Variants in PCDH9 observed in about 807,000 individuals in gnomAD.
PCDH9 encodes the protein protocadherin 9.
PCDH9 carries 24 observed loss-of-function variants against 70.6 expected under a neutral mutation model. The ratio of observed to expected loss-of-function variants is 0.34; its 90% confidence interval spans 0.25 to 0.48. The LOEUF (loss-of-function observed/expected upper bound fraction) is 0.48, where lower values mean the gene tolerates loss of function less well. Among genes scored for constraint, PCDH9 ranks in the 20% least tolerant of loss-of-function variants. PCDH9 has a pLI of 0.99. For missense variants in PCDH9, 1,281 were observed against 1,503.6 expected, an observed-to-expected ratio of 0.85 and a Z score of 2.45; for synonymous variants, 562 against 558.5, an observed-to-expected ratio of 1.01 and a Z score of -0.09.
At chr13:66,924,642 A>C (rs1213179938) in intron 2 of PCDH9, among the ~76,000 whole-genome samples, 6 of 151,890 alleles carry the variant, frequency 4.0e-5, no homozygotes, top group Non-Finnish European at 7.4e-5. Flanking sequence ...AGTCTTATAC[A>C]TATTTTGAAG....
intron 4 of PCDH9, among the ~76,000 whole-genome samples, chr13:66,515,864 A>T (rs1050919247): frequency 2.0e-5 from 3 of 152,056 alleles, no homozygotes; most frequent in Non-Finnish European, 4.4e-5. Flanking sequence ...AATTTTAAGT[A>T]TGTGAGCTAC....
chr13:66,653,742 C>T (rs1026911066), intron 3 of PCDH9, among the ~76,000 whole-genome samples: 2 of 151,870 alleles, frequency 1.3e-5, no homozygotes, highest in Non-Finnish European at 2.9e-5. Context: ...CCGAGGTTGG[C>T]GGATCATGAG....
chr13:66,397,492 G>A lies in PCDH9; in HGVS notation c.3341-92464C>T, dbSNP rs113877423. On this transcript the variant is annotated intron_variant, in intron 4 of 4. Transcript: ENST00000377865. ...TGTGTGTGTGTGTATATATATATAT[G>A]TATACACACACAAAATGTATGTCGA... Among the ~76,000 whole-genome samples the A allele has an allele frequency of 6.4e-5, 8 of 125,486 alleles. No homozygotes were observed. In the Admixed American group the frequency reaches 6.5e-4, roughly 10 times the overall value. The allele number at this position is 125,486 out of a possible 152,430, so 82.3% of individuals were successfully genotyped here. A position where few individuals can be genotyped will look rare whatever the true frequency, so the allele number is the denominator to read the frequency against.
Position 66,712,187 on chromosome 13 carries a change from A to G in PCDH9, c.3139-80776T>C, listed in dbSNP as rs1343779940. ...GTCACAATAGTCCCTTGCATATTTT[A>G]GGATTTCTAAAAATATTTCCTTTTA... On this transcript the variant is annotated intron_variant, in intron 3 of 4. Coordinates refer to ENST00000377865, the MANE Select transcript of PCDH9 (RefSeq NM_203487.3). Among the ~76,000 whole-genome samples, 3 of 152,332 alleles carry G rather than the reference A, an allele frequency of 2.0e-5. No homozygotes were observed. The East Asian group carries it at 5.8e-4, about 29-fold the overall frequency.
At chr13:66,432,499 A>G (rs961913975) in intron 4 of PCDH9, among the ~76,000 whole-genome samples, 1 of 152,016 alleles carries the variant, frequency 6.6e-6, no homozygotes, top group African/African-American at 2.4e-5. Flanking sequence ...TTTTTGTAAC[A>G]ATATGTAATA....
At chr13:66,549,364 T>C (rs993079557) in intron 4 of PCDH9, among the ~76,000 whole-genome samples, 1 of 152,106 alleles carries the variant, frequency 6.6e-6, no homozygotes, top group African/African-American at 2.4e-5. Flanking sequence ...TGATTTTTTT[T>C]TGAAGTGAAA....
rs559680873 is a variant in PCDH9, at chr13:66,312,942, C to T, written c.3341-7914G>A. On this transcript the variant is annotated intron_variant, in intron 4 of 4. Coordinates refer to ENST00000377865, the MANE Select transcript of PCDH9 (RefSeq NM_203487.3). ...CCAAATACAATAACACATGGCCACG[C>T]CAAGCAGGGAATTCACTGCCAGAGA... Among the ~76,000 whole-genome samples the T allele has an allele frequency of 2.2e-4, 33 of 152,252 alleles. No homozygotes were observed. In the South Asian group the frequency reaches 3.1e-3, roughly 14 times the overall value.
At chr13:66,666,778 TA>T (rs2078103349) in intron 3 of PCDH9, among the ~76,000 whole-genome samples, 1 of 152,196 alleles carries the variant, frequency 6.6e-6, no homozygotes, top group African/African-American at 2.4e-5. Flanking sequence ...TACTTCCTTA[TA>T]ATGACTTTTA....
At chr13:67,161,880 G>C (rs2087972474) in intron 2 of PCDH9, among the ~76,000 whole-genome samples, 1 of 152,164 alleles carries the variant, frequency 6.6e-6, no homozygotes, top group Non-Finnish European at 1.5e-5. Flanking sequence ...ACTCCTCCAA[G>C]GAATATAGAG....
chr13:66,403,186 C>T (rs368622952), intron 4 of PCDH9, among the ~76,000 whole-genome samples: 1 of 151,894 alleles, frequency 6.6e-6, no homozygotes, highest in Admixed American at 6.6e-5. Context: ...GTCACCCAGG[C>T]TGGAGTGCAG....
intron 2 of PCDH9, among the ~76,000 whole-genome samples, chr13:66,933,197 C>T (rs2082845024): frequency 6.6e-6 from 1 of 151,888 alleles, no homozygotes; most frequent in Non-Finnish European, 1.5e-5. Context: ...GAGTCTTTGT[C>T]AGAAAGCAAA....
chr13:66,423,178 C>A (rs187418879), intron 4 of PCDH9, among the ~76,000 whole-genome samples: 7 of 152,018 alleles, frequency 4.6e-5, no homozygotes, highest in Admixed American at 3.9e-4. Context: ...AGCCTACCAA[C>A]CAAAAAAAGC....
chr13:66,934,927 A>G (rs1375167174), intron 2 of PCDH9, among the ~76,000 whole-genome samples: 1 of 150,146 alleles, frequency 6.7e-6, no homozygotes, highest in African/African-American at 2.4e-5. Flanking sequence ...TCACCGTGTT[A>G]GCCAGGATGG....
In PCDH9 at chr13:66,335,095, A is replaced by C. The variant is rs189327584; in HGVS notation, c.3341-30067T>G. On this transcript the variant is annotated intron_variant, in intron 4 of 4. Coordinates refer to ENST00000377865, the MANE Select transcript of PCDH9 (RefSeq NM_203487.3). ...TTCAAACCCTTGGTGTTTTCATCACATCACAGTAGCCTAAGTCAAAAGCAT... is the reference window on the plus strand; with the variant it reads ...TTCAAACCCTTGGTGTTTTCATCACCTCACAGTAGCCTAAGTCAAAAGCAT... 2.2e-4 allele frequency among the ~76,000 whole-genome samples: 33 copies of C among 152,238 alleles called. No homozygotes were observed. The East Asian group carries it at 6.0e-3, about 28-fold the overall frequency.
intron 3 of PCDH9, among the ~76,000 whole-genome samples, chr13:66,716,730 T>A (rs369331943): frequency 9.2e-4 from 140 of 152,326 alleles, no homozygotes; most frequent in African/African-American, 3.1e-3. Context: ...TTTTTTCTTA[T>A]TGACATGTTC....
chr13:66,906,056 T>A (rs2082354865), intron 2 of PCDH9, among the ~76,000 whole-genome samples: 1 of 152,178 alleles, frequency 6.6e-6, no homozygotes, highest in African/African-American at 2.4e-5. Flanking sequence ...ATATGGCATT[T>A]AATATCTGTA....
At chr13:66,390,430 G>A (rs1041243858) in intron 4 of PCDH9, among the ~76,000 whole-genome samples, 1 of 152,086 alleles carries the variant, frequency 6.6e-6, no homozygotes, top group African/African-American at 2.4e-5. Flanking sequence ...AGGACAGCTA[G>A]AGGTTTTGTA....
At chr13:66,683,713 G>T (rs377296863) in intron 3 of PCDH9, among the ~76,000 whole-genome samples, 1 of 152,108 alleles carries the variant, frequency 6.6e-6, no homozygotes, top group East Asian at 1.9e-4. Context: ...TAGATCACAG[G>T]TTTTAAAATT....
rs138487255 is a variant in PCDH9, at chr13:67,226,544, A to G, written c.1897T>C (p.Phe633Leu). 1.7e-4 allele frequency: 276 copies of G among 1,614,038 alleles called. No individual in the cohort carries two copies. Among genetic ancestry groups the G allele is most frequent in the Non-Finnish European group, 2.2e-4 (259 of 1,179,908 alleles). Residue 633 changes from phenylalanine to leucine, a missense_variant, in exon 2 of 5, where the codon TTT (phenylalanine) becomes CTT (leucine). Transcript: ENST00000377865. The surrounding 1 kb of genome is among the most constrained non-coding windows in gnomAD (Gnocchi z 5.0). ...YSGVIKSNVS[F>L]DREQQSSYTF... ...TAGGAACTCTGCTGCTCTCTATCAA[A>G]TGAGACATTTGACTTTATGACTCCA...
Sources: gnomAD v4.1 joint callset for allele counts (sites outside exome capture counted in the v4.1 genomes callset) on GRCh38, gnomAD v4.1.1 for gene constraint, Gnocchi (gnomAD v3.1) non-coding constraint, MANE v1.5 for transcripts, NCBI Gene and HGNC (gene_info 2026-07-23, HGNC 2026-07-21) for gene names.